Variants in KLHDC4 observed in about 807,000 individuals in gnomAD.
KLHDC4 encodes the protein kelch domain containing 4.
KLHDC4 carries 90 observed loss-of-function variants against 62.4 expected under a neutral mutation model. That is an observed-to-expected ratio of 1.44 (90% CI 1.22 to 1.72). The LOEUF (loss-of-function observed/expected upper bound fraction) is 1.72, where lower values mean the gene tolerates loss of function less well. Among genes scored for constraint, KLHDC4 ranks in the 40% most tolerant of loss-of-function variants. The pLI is 0.00. For synonymous variants in KLHDC4, 386 were observed against 284.4 expected (o/e 1.36, Z -3.59); for missense variants, 1,025 against 699.7 (o/e 1.47, Z -5.25).
chr16:87,733,723 T>A (rs1456547287), intron 5 of KLHDC4, among the ~76,000 whole-genome samples: 1 of 138,008 alleles, frequency 7.2e-6, no homozygotes, highest in East Asian at 2.2e-4. Flanking sequence ...CTCCCTGGGA[T>A]CCTCACTGAT....
chr16:87,747,540 G>A (rs1163408723), intron 5 of KLHDC4: 1 of 152,178 alleles, frequency 6.6e-6, no homozygotes, highest in African/African-American at 2.4e-5. Flanking sequence ...GGACGGAAAA[G>A]CCTGGGAACA....
chr16:87,720,879 G>A (rs1046375929), intron 7 of KLHDC4, among the ~76,000 whole-genome samples: 2 of 152,142 alleles, frequency 1.3e-5, no homozygotes, highest in Admixed American at 6.5e-5. Context: ...GAGCCAGCCC[G>A]GGGTCCCCAC....
At chr16:87,702,015 T>C in exon 1 of KLHDC4, 1 of 456,240 alleles carries the variant, frequency 2.2e-6, no homozygotes, top group South Asian at 1.5e-5. Context: ...GCCAGGCAGC[T>C]CCTTACAGAG....
At chr16:87,736,391 C>T (rs1051342462) in intron 5 of KLHDC4, among the ~76,000 whole-genome samples, 7 of 152,298 alleles carry the variant, frequency 4.6e-5, no homozygotes, top group African/African-American at 1.4e-4. Flanking sequence ...ACTGCTGCAC[C>T]GGCGGCCTAG....
intron 5 of KLHDC4, among the ~76,000 whole-genome samples, chr16:87,745,051 T>C (rs548660282): frequency 4.6e-5 from 7 of 152,366 alleles, no homozygotes; most frequent in Middle Eastern, 3.4e-3. Context: ...CATCCTGTTT[T>C]TTGTATATAT....
downstream of KLHDC4, among the ~76,000 whole-genome samples, chr16:87,707,100 T>C (rs926285317): frequency 1.3e-5 from 2 of 152,234 alleles, no homozygotes; most frequent in African/African-American, 4.8e-5. Context: ...ACACAAAAAC[T>C]GCACCAGGTG....
At chr16:87,724,398 T>C (rs1224969146) in intron 7 of KLHDC4, among the ~76,000 whole-genome samples, 1 of 152,130 alleles carries the variant, frequency 6.6e-6, no homozygotes, top group Non-Finnish European at 1.5e-5. Flanking sequence ...TCAAAGCTTC[T>C]CATCAACAAA....
chr16:87,760,590 G>C (rs1444066487), intron 2 of KLHDC4, among the ~76,000 whole-genome samples: 1 of 132,590 alleles, frequency 7.5e-6, no homozygotes, highest in Non-Finnish European at 1.6e-5. Flanking sequence ...CTGGGTGACA[G>C]AGTGAGACTC....
At chr16:87,733,504 C>A (rs551173767) in intron 5 of KLHDC4, among the ~76,000 whole-genome samples, 2 of 152,300 alleles carry the variant, frequency 1.3e-5, no homozygotes, top group African/African-American at 4.8e-5. Flanking sequence ...CTCCTAGAGC[C>A]GCAGGCACCA....
intron 5 of KLHDC4, 169 bp from the exon 6 acceptor site, chr16:87,730,813 CCTG>C: frequency 3.5e-6 from 2 of 574,392 alleles, no homozygotes; most frequent in Middle Eastern, 6.2e-4. Flanking sequence ...CCAAAACCAT[CCTG>C]CTAAGAGCCC....
intron 5 of KLHDC4, chr16:87,731,021 T>G (rs2040258030): frequency 6.5e-6 from 1 of 152,738 alleles, no homozygotes. Context: ...GACAAATGAC[T>G]TGTATCCAGA....
exon 1 of KLHDC4, chr16:87,700,413 C>A: frequency 6.4e-6 from 1 of 156,638 alleles, no homozygotes. Context: ...TCGCCCGGGC[C>A]AGGGTCTGCC....
intron 7 of KLHDC4, among the ~76,000 whole-genome samples, chr16:87,723,900 A>C (rs1393696959): frequency 6.6e-6 from 1 of 152,090 alleles, no homozygotes; most frequent in Non-Finnish European, 1.5e-5. Context: ...GTAGCAGCAC[A>C]ATCTTGGCTC....
At chr16:87,702,250 A>C (rs2034177738) in exon 1 of KLHDC4, 2 of 456,316 alleles carry the variant, frequency 4.4e-6, no homozygotes, top group Non-Finnish European at 8.8e-6. Context: ...TGGCTCTGCC[A>C]GGCGCCGAGT....
intron 9 of KLHDC4, chr16:87,710,488 G>T (rs944415962): frequency 6.6e-6 from 1 of 152,220 alleles, no homozygotes; most frequent in Non-Finnish European, 1.5e-5. Context: ...TAATCCTGGG[G>T]AATGTCAACG....
intron 7 of KLHDC4, among the ~76,000 whole-genome samples, chr16:87,718,394 T>C (rs1198717003): frequency 8.0e-6 from 1 of 125,622 alleles, no homozygotes; most frequent in Admixed American, 8.2e-5. Context: ...TCTCCCTCTC[T>C]CTCCACGGTC....
At chr16:87,732,371 C>T (rs983980965) in intron 5 of KLHDC4, among the ~76,000 whole-genome samples, 1 of 152,200 alleles carries the variant, frequency 6.6e-6, no homozygotes, top group Non-Finnish European at 1.5e-5. Context: ...GCTGGGATTA[C>T]AGGCATGAGC....
chr16:87,744,505 C>T, intron 5 of KLHDC4, among the ~76,000 whole-genome samples: 1 of 151,204 alleles, frequency 6.6e-6, no homozygotes, highest in South Asian at 2.1e-4. Context: ...ATGGCTTGAA[C>T]CAGCGAGGTG....
chr16:87,752,508 T>C (rs1397659332), intron 4 of KLHDC4, among the ~76,000 whole-genome samples: 1 of 151,932 alleles, frequency 6.6e-6, no homozygotes, highest in Non-Finnish European at 1.5e-5. Context: ...AGGTAATTTT[T>C]GTAGTTTTAG....
Sources: gnomAD v4.1 joint callset for allele counts (sites outside exome capture counted in the v4.1 genomes callset) on GRCh38, gnomAD v4.1.1 for gene constraint, MANE v1.5 for transcripts, NCBI Gene and HGNC (gene_info 2026-07-23, HGNC 2026-07-21) for gene names.